Variants in SAMD12 observed in about 807,000 individuals in gnomAD.
SAMD12 encodes sterile alpha motif domain containing 12, also known as sterile alpha motif domain-containing protein 12.
A neutral mutation model predicts 15.0 loss-of-function variants in SAMD12; 9 were observed. That is an observed-to-expected ratio of 0.60 (90% confidence interval 0.36 to 1.05). The LOEUF (loss-of-function observed/expected upper bound fraction) is 1.05. Among genes scored for constraint, SAMD12 ranks in the 50% least tolerant of loss-of-function variants. The pLI, the probability that SAMD12 is intolerant of heterozygous loss-of-function variation, is 0.01. For missense variants in SAMD12, 230 were observed against 234.2 expected (o/e 0.98, Z 0.12); for synonymous variants, 86 against 90.1 (o/e 0.96, Z 0.25).
chr8:118,429,645 G>A (rs1226509562), intron 3 of SAMD12, among the ~76,000 whole-genome samples: 1 of 152,122 alleles, frequency 6.6e-6, no homozygotes, highest in African/African-American at 2.4e-5. Context: ...TGTAATCCCA[G>A]CACTTTGGGA....
chr8:118,390,341 C>G (rs149930472), intron 3 of SAMD12, among the ~76,000 whole-genome samples: 1 of 152,152 alleles, frequency 6.6e-6, no homozygotes, highest in African/African-American at 2.4e-5. Context: ...TCTTCCATGT[C>G]CCTCCAACTT....
chr8:118,560,163 T>C (rs1279142449), intron 2 of SAMD12, among the ~76,000 whole-genome samples: 1 of 152,198 alleles, frequency 6.6e-6, no homozygotes, highest in African/African-American at 2.4e-5. Context: ...AAGTGAGATA[T>C]TTCATCCATA....
chr8:118,149,122 T>C, the SAMD12 span, among the ~76,000 whole-genome samples: 1 of 152,212 alleles, frequency 6.6e-6, no homozygotes, highest in African/African-American at 2.4e-5. Context: ...CAAAGTCTTA[T>C]TCTGTAGCCC....
At chr8:118,427,681 G>A (rs902353505) in intron 3 of SAMD12, among the ~76,000 whole-genome samples, 7 of 152,078 alleles carry the variant, frequency 4.6e-5, no homozygotes, top group African/African-American at 9.7e-5. Context: ...ATTTATTCTC[G>A]TCTTGACTGA....
At chr8:118,446,621 A>C (rs980573280) in intron 2 of SAMD12, among the ~76,000 whole-genome samples, 1 of 152,226 alleles carries the variant, frequency 6.6e-6, no homozygotes, top group East Asian at 1.9e-4. Flanking sequence ...ATCCTATGAA[A>C]TAGGCCACAC....
At chr8:118,151,679 A>G in the SAMD12 span, among the ~76,000 whole-genome samples, 1 of 151,876 alleles carries the variant, frequency 6.6e-6, no homozygotes, top group Admixed American at 6.6e-5. Context: ...ATACAAAAAA[A>G]ATTAGCCAGG....
intron 4 of SAMD12, among the ~76,000 whole-genome samples, chr8:118,357,846 T>C (rs1818307893): frequency 6.6e-6 from 1 of 152,104 alleles, no homozygotes; most frequent in South Asian, 2.1e-4. Flanking sequence ...ATTCAGTTCC[T>C]AGGGAATGCT....
intron 4 of SAMD12, among the ~76,000 whole-genome samples, chr8:118,293,377 T>C (rs949550737): frequency 1.3e-5 from 2 of 152,244 alleles, no homozygotes; most frequent in African/African-American, 4.8e-5. Flanking sequence ...GTTACTTTGA[T>C]GGTTACCTTC....
the SAMD12 span, among the ~76,000 whole-genome samples, chr8:118,150,611 C>T: frequency 6.6e-6 from 1 of 152,168 alleles, no homozygotes; most frequent in Non-Finnish European, 1.5e-5. Context: ...TCAAGTGATC[C>T]TCCTGCCTTG....
chr8:118,548,419 A>G (rs886545423), intron 2 of SAMD12, among the ~76,000 whole-genome samples: 1 of 117,664 alleles, frequency 8.5e-6, no homozygotes, highest in African/African-American at 3.3e-5. Flanking sequence ...ACACACACAC[A>G]CACACCCCAT....
intron 4 of SAMD12, among the ~76,000 whole-genome samples, chr8:118,367,401 G>A (rs891218543): frequency 2.0e-5 from 3 of 152,122 alleles, no homozygotes; most frequent in Admixed American, 1.3e-4. Context: ...AGACTGTAGG[G>A]TCTATACTTA....
At position 118,590,344 on chromosome 8, in the gene SAMD12, AG is replaced by A. The variant is rs1453008600; in HGVS notation, c.14-9452del. ...AATACTCCCAGGAGAATGCCATAGA[AG>A]GCCAAGTAGGGAGTCCAGGTTTCCA... On this transcript the variant is annotated intron_variant, in intron 1 of 3. Coordinates refer to ENST00000314727, the MANE Select transcript of SAMD12 (RefSeq NM_207506.3). Among the ~76,000 whole-genome samples the A allele has an allele frequency of 5.9e-5, 9 of 152,350 alleles. No individual in the cohort carries two copies. In the East Asian group the frequency reaches 1.7e-3, roughly 29 times the overall value.
chr8:118,333,844 C>T lies in SAMD12; in HGVS notation c.433+45716G>A, dbSNP rs927823317. On this transcript the variant is annotated intron_variant, in intron 4 of 4. Coordinates refer to the SAMD12 transcript ENST00000409003. ...TCTGGTGTGTGTGTGTGCCCGTTGGCGGGGGGCGGGGGTATGTCTGTGTGT... is the reference window on the plus strand; with the variant it reads ...TCTGGTGTGTGTGTGTGCCCGTTGGTGGGGGGCGGGGGTATGTCTGTGTGT... Among the ~76,000 whole-genome samples the T allele has an allele frequency of 3.6e-5, 5 of 137,834 alleles. No homozygotes were observed. In the East Asian group the frequency reaches 6.6e-4, roughly 18 times the overall value. The allele number at this position is 137,834 out of a possible 152,430, so 90.4% of individuals were successfully genotyped here.
rs377445723 is a variant in SAMD12, at chr8:118,256,194, T to A, written c.434-58462A>T. Among the ~76,000 whole-genome samples, 142 of 152,296 alleles carry A rather than the reference T, an allele frequency of 9.3e-4. 1 individual carries two copies. The highest frequency in any genetic ancestry group is 3.3e-3 in the African/African-American group (139 of 41,576). ...GTTCATGTCCTTTGCCCACTTTCAA[T>A]ATTTATTATTTCACAAAATTTTCCT... is the stretch of plus-strand genomic sequence containing the variant. On this transcript the variant is annotated intron_variant, in intron 4 of 4. Coordinates refer to the SAMD12 transcript ENST00000409003.
intron 2 of SAMD12, among the ~76,000 whole-genome samples, chr8:118,510,093 G>A (rs966682078): frequency 2.0e-5 from 3 of 152,028 alleles, no homozygotes; most frequent in Admixed American, 1.3e-4. Context: ...TAATGGAAAA[G>A]CCACTTTTCC....
rs571212622 is a variant in SAMD12, at chr8:118,456,656, G to A, written c.193-16695C>T. Among the ~76,000 whole-genome samples the A allele has an allele frequency of 1.2e-4, 18 of 152,324 alleles. No homozygotes were observed. The South Asian group carries it at 3.5e-3, about 30-fold the overall frequency. On this transcript the variant is annotated intron_variant, in intron 2 of 3. Coordinates refer to ENST00000314727, the MANE Select transcript of SAMD12 (RefSeq NM_207506.3). Reference sequence around the variant, plus strand: ...AAGGTGAGCAACTTAAAAAGCCCAGGAGTGGCCTTGTGGATCTGTATTAAA... The same window carrying A: ...AAGGTGAGCAACTTAAAAAGCCCAGAAGTGGCCTTGTGGATCTGTATTAAA...
chr8:118,570,058 A>T (rs926160880), intron 2 of SAMD12, among the ~76,000 whole-genome samples: 1 of 152,190 alleles, frequency 6.6e-6, no homozygotes, highest in Non-Finnish European at 1.5e-5. Context: ...GGGCCAGATC[A>T]GGGAGATGGG....
At chr8:118,507,779 C>T (rs1824960214) in intron 2 of SAMD12, among the ~76,000 whole-genome samples, 1 of 152,042 alleles carries the variant, frequency 6.6e-6, no homozygotes, top group African/African-American at 2.4e-5. Flanking sequence ...AAACCTGTGG[C>T]TATGAAGAGT....
rs183455960 is a variant in SAMD12, at chr8:118,586,722, A to G, written c.14-5829T>C. On this transcript the variant is annotated intron_variant, in intron 1 of 3. Transcript: ENST00000314727. ...ATTTATTGACAGGTCTGCTAAATCT[A>G]TGACTAGGAGCCCCCAGAAGAAGTG... 8.7e-4 allele frequency among the ~76,000 whole-genome samples: 132 copies of G among 152,258 alleles called. 1 individual carries two copies. The highest frequency in any genetic ancestry group is 2.3e-3 in the African/African-American group (96 of 41,550).
Sources: allele counts gnomAD v4.1 joint callset (sites outside exome capture counted in the v4.1 genomes callset), GRCh38; gene constraint gnomAD v4.1.1; transcripts MANE v1.5; gene names NCBI Gene and HGNC (gene_info 2026-07-23, HGNC 2026-07-21).